Variants in ATF7 observed in about 807,000 individuals in gnomAD.
ATF7 encodes the protein cyclic AMP-dependent transcription factor ATF-7.
A neutral mutation model predicts 50.4 loss-of-function variants in ATF7; 10 were observed. The observed-to-expected ratio is 0.20, with a 90% CI of 0.12 to 0.34. ATF7 has a LOEUF of 0.34. ATF7 is among the 10% of genes least tolerant of loss of function. The probability of loss-of-function intolerance (pLI) is 1.00; values close to 1 mark genes in which losing one functional copy is unlikely to be tolerated. For missense variants in ATF7, 465 were observed against 613.9 expected (o/e 0.76, Z 2.56); for synonymous variants, 201 against 226.4 (o/e 0.89, Z 1.01).
At chr12:53,523,430 AC>A in intron 10 of ATF7, 46 bp from the exon 11 acceptor site, 1 of 1,365,482 alleles carries the variant, frequency 7.3e-7, no homozygotes. Context: ...TTCATCCTCT[AC>A]TCTTGCACCC....
intron 4 of ATF7, among the ~76,000 whole-genome samples, chr12:53,538,572 G>A (rs913591569): frequency 6.6e-6 from 1 of 152,154 alleles, no homozygotes; most frequent in Non-Finnish European, 1.5e-5. Context: ...AGCTGTAAAC[G>A]GCCTTGCAGG....
At chr12:53,580,857 A>G (rs1396848197) in intron 2 of ATF7, among the ~76,000 whole-genome samples, 3 of 151,928 alleles carry the variant, frequency 2.0e-5, no homozygotes, top group African/African-American at 7.3e-5. Context: ...CACACCTGTA[A>G]CCCCAGCACT....
chr12:53,568,231 C>G lies in ATF7; in HGVS notation c.49-15594G>C, dbSNP rs1317884988. ...GAGACCACAATAACAAAAACCCTGCCCTGATCTTTAAGGCCTTATGCAGTT... is the reference window on the plus strand; with the variant it reads ...GAGACCACAATAACAAAAACCCTGCGCTGATCTTTAAGGCCTTATGCAGTT... On this transcript the variant is annotated intron_variant, in intron 2 of 11. Transcript: ENST00000420353. Among the ~76,000 whole-genome samples the G allele has an allele frequency of 8.5e-5, 13 of 152,152 alleles. No homozygotes were observed. In the East Asian group the frequency reaches 2.3e-3, roughly 27 times the overall value.
chr12:53,577,542 C>T (rs10467109), intron 2 of ATF7, among the ~76,000 whole-genome samples: 26,343 of 151,570 alleles, frequency 0.17, 2,919 homozygotes, highest in East Asian at 0.56. Flanking sequence ...CAGTGAAACC[C>T]CGTCTCTACT....
At chr12:53,509,257 CT>C (rs1311936164), downstream of ATF7, among the ~76,000 whole-genome samples, 1 of 152,168 alleles carries the variant, frequency 6.6e-6, no homozygotes, top group East Asian at 1.9e-4. Context: ...AATAAAACAG[CT>C]TGCATAGAAC....
In ATF7 at chr12:53,531,807, G is replaced by C; in HGVS notation, c.864C>G (p.Ala288=). Residue 288 remains alanine, a synonymous_variant, in exon 9 of 12, where the codon GCC becomes GCG. Transcript: ENST00000420353. ...TGAGAATCTGGCTCTGCTCTGGGCG[G>C]GCTGTCACCATGGTGCTGGCAGTAC... is the stretch of plus-strand genomic sequence containing the variant. The part of the protein sequence containing the change: ...VVGTASTMVT[A]RPEQSQILIQ... The C allele has an allele frequency of 6.2e-7, 1 of 1,612,968 alleles. No individual in the cohort carries two copies. The highest frequency in any genetic ancestry group is 8.5e-7 in the Non-Finnish European group (1 of 1,179,646).
chr12:53,609,427 T>C (rs1216653585), intron 1 of ATF7, among the ~76,000 whole-genome samples: 1 of 151,382 alleles, frequency 6.6e-6, no homozygotes, highest in East Asian at 1.9e-4. Flanking sequence ...GTGCTGGGAT[T>C]ATAGGCATGA....
chr12:53,531,415 T>TC (rs1483326834), intron 9 of ATF7, among the ~76,000 whole-genome samples: 3 of 118,156 alleles, frequency 2.5e-5, no homozygotes, highest in African/African-American at 6.7e-5. Context: ...AGAGCGAAAC[T>TC]CCATCTCAAA....
chr12:53,622,815 A>T (rs1007494025), intron 1 of ATF7, among the ~76,000 whole-genome samples: 2 of 151,582 alleles, frequency 1.3e-5, no homozygotes, highest in African/African-American at 4.9e-5. Context: ...TCTACAAAAA[A>T]TTTAAAAATT....
At chr12:53,602,569 G>A (rs1258145511) in intron 1 of ATF7, among the ~76,000 whole-genome samples, 3 of 152,174 alleles carry the variant, frequency 2.0e-5, no homozygotes, top group Non-Finnish European at 4.4e-5. Flanking sequence ...ATAGAAACAT[G>A]GTCTAACTAG....
chr12:53,584,370 T>C (rs948416744), intron 2 of ATF7, among the ~76,000 whole-genome samples: 2 of 152,198 alleles, frequency 1.3e-5, no homozygotes, highest in Admixed American at 1.3e-4. Flanking sequence ...CAACATTAAA[T>C]GTTGATAAGG....
At chr12:53,554,425 C>T (rs1940581573) in intron 2 of ATF7, among the ~76,000 whole-genome samples, 2 of 151,878 alleles carry the variant, frequency 1.3e-5, no homozygotes, top group South Asian at 4.2e-4. Context: ...GCCACCATGC[C>T]CAGCAACAGA....
intron 3 of ATF7, 100 bp from the exon 4 acceptor site, chr12:53,543,548 G>GGA (rs1272568057): frequency 3.1e-6 from 4 of 1,294,738 alleles, no homozygotes; most frequent in East Asian, 2.5e-5. Context: ...TTTTTGATTT[G>GGA]GAGAGAGAGT....
chr12:53,536,884 TCAA>T (rs748683856), intron 5 of ATF7, among the ~76,000 whole-genome samples: 19 of 151,858 alleles, frequency 1.3e-4, no homozygotes, highest in South Asian at 8.3e-4. Context: ...TGAGACTGTC[TCAA>T]CAACAACAAC....
intron 1 of ATF7, among the ~76,000 whole-genome samples, chr12:53,602,308 T>C (rs1565590387): frequency 6.6e-6 from 1 of 152,186 alleles, no homozygotes; most frequent in Non-Finnish European, 1.5e-5. Context: ...TAAACTGAAA[T>C]GTCAGGACAA....
At chr12:53,601,069 CAAAAAA>C in intron 1 of ATF7, 48 bp from the exon 2 acceptor site, 2 of 941,212 alleles carry the variant, frequency 2.1e-6, no homozygotes, top group East Asian at 2.8e-5. Flanking sequence ...TATGCTGGAG[CAAAAAA>C]AAAAAAAAAG....
At chr12:53,587,872 A>G (rs1942789189) in intron 2 of ATF7, among the ~76,000 whole-genome samples, 1 of 85,198 alleles carries the variant, frequency 1.2e-5, no homozygotes, top group African/African-American at 3.6e-5. Flanking sequence ...TTTGACACGA[A>G]GTCTTGCTCT....
intron 9 of ATF7, among the ~76,000 whole-genome samples, chr12:53,527,342 C>T (rs1254407324): frequency 6.6e-6 from 1 of 151,744 alleles, no homozygotes; most frequent in African/African-American, 2.4e-5. Context: ...ATTAGCTGGG[C>T]ATGGTGATGC....
intron 1 of ATF7, among the ~76,000 whole-genome samples, chr12:53,608,307 A>G (rs1306198202): frequency 2.0e-5 from 3 of 152,148 alleles, no homozygotes; most frequent in Non-Finnish European, 1.5e-5. Flanking sequence ...GTATATTTAA[A>G]AATTATACAA....
Sources: gnomAD v4.1 joint callset for allele counts (sites outside exome capture counted in the v4.1 genomes callset) on GRCh38, gnomAD v4.1.1 for gene constraint, MANE v1.5 for transcripts, NCBI Gene and HGNC (gene_info 2026-07-23, HGNC 2026-07-21) for gene names.